Variants in DYNC1I1 observed in about 807,000 individuals in gnomAD.
DYNC1I1 encodes dynein cytoplasmic 1 intermediate chain 1, also known as cytoplasmic dynein 1 intermediate chain 1.
DYNC1I1 carries 43 observed loss-of-function variants against 86.6 expected under a neutral mutation model. The observed-to-expected ratio is 0.50, with a 90% CI of 0.39 to 0.64. DYNC1I1 has a LOEUF of 0.64. DYNC1I1 is among the 30% of genes least tolerant of loss of function. The pLI, the probability that DYNC1I1 is intolerant of heterozygous loss-of-function variation, is 0.00. For missense variants in DYNC1I1, 604 were observed against 788.8 expected, an observed-to-expected ratio of 0.77 and a Z score of 2.81; for synonymous variants, 262 against 283.7, an observed-to-expected ratio of 0.92 and a Z score of 0.77.
chr7:95,990,302 A>G lies in DYNC1I1; in HGVS notation c.843+3147A>G, dbSNP rs116695403. Among the ~76,000 whole-genome samples the G allele has an allele frequency of 2.5e-3, 384 of 152,238 alleles. 2 individuals carry two copies. The highest frequency in any genetic ancestry group is 8.5e-3 in the African/African-American group (352 of 41,554). ...TCAGACTCATGATCTTACTCCCACCATGTATACTCACTCCTCTCACATGTA... is the reference window on the plus strand; with the variant it reads ...TCAGACTCATGATCTTACTCCCACCGTGTATACTCACTCCTCTCACATGTA... On this transcript the variant is annotated intron_variant, in intron 9 of 16. Transcript: ENST00000447467.
intron 6 of DYNC1I1, among the ~76,000 whole-genome samples, chr7:95,958,449 G>A (rs184324334): frequency 3.3e-5 from 5 of 152,046 alleles, no homozygotes; most frequent in Admixed American, 6.6e-5. Context: ...TTAAAACATT[G>A]GCCCGGAAAG....
intron 6 of DYNC1I1, among the ~76,000 whole-genome samples, chr7:95,935,760 A>T (rs566112227): frequency 1.3e-5 from 2 of 152,184 alleles, no homozygotes; most frequent in Admixed American, 6.5e-5. Flanking sequence ...AAGTTTTTTT[A>T]AAAAAACTAA....
chr7:95,922,886 T>A (rs1021643373), intron 6 of DYNC1I1, among the ~76,000 whole-genome samples: 3 of 152,156 alleles, frequency 2.0e-5, no homozygotes, highest in Non-Finnish European at 2.9e-5. Flanking sequence ...TTCTTTGGTC[T>A]TGAGCACTCT....
intron 6 of DYNC1I1, among the ~76,000 whole-genome samples, chr7:95,943,910 C>A (rs1792316040): frequency 6.6e-6 from 1 of 151,890 alleles, no homozygotes; most frequent in Non-Finnish European, 1.5e-5. Context: ...AGACCTAAAA[C>A]CATAAAAACC....
chr7:95,944,365 C>T (rs963100540), intron 6 of DYNC1I1, among the ~76,000 whole-genome samples: 4 of 152,160 alleles, frequency 2.6e-5, no homozygotes, highest in Non-Finnish European at 4.4e-5. Context: ...CATTAAAAGT[C>T]AGGAAACAAC....
chr7:95,781,000 A>G (rs1484230124), intron 1 of DYNC1I1, among the ~76,000 whole-genome samples: 1 of 150,906 alleles, frequency 6.6e-6, no homozygotes, highest in Non-Finnish European at 1.5e-5. Flanking sequence ...AAAGAATAAC[A>G]ACAACAAAAA....
intron 6 of DYNC1I1, among the ~76,000 whole-genome samples, chr7:95,899,385 A>G (rs1392169193): frequency 6.6e-6 from 1 of 152,176 alleles, no homozygotes; most frequent in African/African-American, 2.4e-5. Context: ...TCCATGGGCC[A>G]TGAAATCTGA....
rs147705216 is a variant in DYNC1I1 at position 95,913,125 on chromosome 7, C to G, written c.490+43127C>G. Among the ~76,000 whole-genome samples, 548 of 152,238 alleles carry G rather than the reference C, an allele frequency of 3.6e-3. 3 individuals carry two copies. Among genetic ancestry groups the G allele is most frequent in the Admixed American group, 7.4e-3 (113 of 15,292 alleles). On this transcript the variant is annotated intron_variant, in intron 6 of 16. Coordinates refer to ENST00000447467, the MANE Select transcript of DYNC1I1 (RefSeq NM_001135556.2). ...GCTAGTGTCTCTTTCATTACTTGCA[C>G]CTCTGGTTAGGAGCCAGAGCCTAGT...
intron 5 of DYNC1I1, among the ~76,000 whole-genome samples, chr7:95,844,594 C>T (rs911609081): frequency 1.1e-4 from 17 of 151,656 alleles, no homozygotes; most frequent in African/African-American, 3.4e-4. Flanking sequence ...GTGGGTCGGG[C>T]GGCGGGGGGT....
intron 1 of DYNC1I1, among the ~76,000 whole-genome samples, chr7:95,785,769 GTA>G (rs1293725804): frequency 1.7e-4 from 11 of 64,246 alleles, no homozygotes; most frequent in Non-Finnish European, 2.1e-4. Flanking sequence ...ATATATGTGT[GTA>G]TGTGTATATA....
At chr7:95,915,787 CA>C (rs758379050) in intron 6 of DYNC1I1, among the ~76,000 whole-genome samples, 92 of 152,078 alleles carry the variant, frequency 6.0e-4, no homozygotes, top group African/African-American at 1.6e-3. Flanking sequence ...CCCATATTAA[CA>C]AAAAAAATTT....
At chr7:95,983,247 G>A (rs1316742458) in intron 7 of DYNC1I1, among the ~76,000 whole-genome samples, 3 of 152,136 alleles carry the variant, frequency 2.0e-5, no homozygotes, top group Non-Finnish European at 4.4e-5. Flanking sequence ...TCCTTGGAAA[G>A]TCTCAGTACA....
chr7:95,892,241 A>G (rs2116272900), intron 6 of DYNC1I1, among the ~76,000 whole-genome samples: 1 of 151,658 alleles, frequency 6.6e-6, no homozygotes, highest in East Asian at 2.0e-4. Flanking sequence ...GGTTCAAGCA[A>G]TTCTCCTGCC....
chr7:95,843,562 T>C (rs181274480), intron 5 of DYNC1I1, among the ~76,000 whole-genome samples: 3 of 152,288 alleles, frequency 2.0e-5, no homozygotes, highest in South Asian at 2.1e-4. Context: ...AAATTTCAGG[T>C]TTCTGGGTAA....
At position 96,096,774 on chromosome 7, in the gene DYNC1I1, C is replaced by T. The variant is rs193210245; in HGVS notation, c.1777-709C>T. ...GGATGCTCATACTGGAACCAGATTCCATTGACACTTATATTTGCTTGCTAT... is the reference window on the plus strand; with the variant it reads ...GGATGCTCATACTGGAACCAGATTCTATTGACACTTATATTTGCTTGCTAT... On this transcript the variant is annotated intron_variant, in intron 16 of 16. Coordinates refer to ENST00000447467, the MANE Select transcript of DYNC1I1 (RefSeq NM_001135556.2). Among the ~76,000 whole-genome samples the T allele has an allele frequency of 2.8e-3, 420 of 152,164 alleles. 1 individual carries two copies. Among genetic ancestry groups the T allele is most frequent in the Non-Finnish European group, 4.0e-3 (272 of 67,976 alleles).
intron 10 of DYNC1I1, among the ~76,000 whole-genome samples, chr7:96,018,306 T>C (rs1007646616): frequency 6.6e-6 from 1 of 152,230 alleles, no homozygotes; most frequent in Non-Finnish European, 1.5e-5. Flanking sequence ...CACAGTATAT[T>C]GGTGTCAAAG....
chr7:95,993,482 C>A (rs1010868824), intron 9 of DYNC1I1, among the ~76,000 whole-genome samples: 2 of 152,198 alleles, frequency 1.3e-5, no homozygotes, highest in African/African-American at 2.4e-5. Flanking sequence ...GTTGCCTTTT[C>A]ACATGTGACA....
intron 6 of DYNC1I1, among the ~76,000 whole-genome samples, chr7:95,951,818 CTT>C (rs1337726616): frequency 6.6e-6 from 1 of 152,166 alleles, no homozygotes; most frequent in East Asian, 1.9e-4. Flanking sequence ...TGCTTCTTAC[CTT>C]GGAGACTTCA....
chr7:96,056,494 A>G (rs1234545894), intron 14 of DYNC1I1, among the ~76,000 whole-genome samples: 1 of 152,166 alleles, frequency 6.6e-6, no homozygotes, highest in Non-Finnish European at 1.5e-5. Flanking sequence ...TTGTGACAAA[A>G]TTATTACCAG....
Sources: allele counts gnomAD v4.1 joint callset (sites outside exome capture counted in the v4.1 genomes callset), GRCh38; gene constraint gnomAD v4.1.1; transcripts MANE v1.5; gene names NCBI Gene and HGNC (gene_info 2026-07-23, HGNC 2026-07-21).